The following EPB41 variants were observed in gnomAD, a reference collection of about 807,000 sequenced individuals.
EPB41 encodes the protein erythrocyte membrane protein band 4.1, also known as protein 4.1.
In EPB41, 65 loss-of-function variants were observed where a neutral mutation model predicts 108.0. The ratio of observed to expected loss-of-function variants is 0.60; its 90% CI spans 0.49 to 0.74. The LOEUF (loss-of-function observed/expected upper bound fraction) is 0.74. EPB41 is among the 30% of genes least tolerant of loss of function. The pLI, the probability that EPB41 is intolerant of heterozygous loss-of-function variation, is 0.00. For missense variants in EPB41, 875 were observed against 1,037.0 expected (o/e 0.84, Z 2.15); for synonymous variants, 336 against 358.9 (o/e 0.94, Z 0.72).
intron 1 of EPB41, among the ~76,000 whole-genome samples, chr1:28,963,607 A>G (rs1209590941): frequency 6.6e-6 from 1 of 152,048 alleles, no homozygotes; most frequent in Non-Finnish European, 1.5e-5. Context: ...TTGTTGCAAA[A>G]TTTTATTTTG....
chr1:29,069,341 G>A (rs1650107159), intron 16 of EPB41: 2 of 1,230,964 alleles, frequency 1.6e-6, no homozygotes, highest in Admixed American at 4.2e-5. Context: ...AAATTGCAGG[G>A]GGAATAAAAA....
intron 1 of EPB41, among the ~76,000 whole-genome samples, chr1:28,976,814 A>G (rs1383220917): frequency 3.9e-5 from 6 of 152,106 alleles, no homozygotes; most frequent in African/African-American, 1.2e-4. Context: ...TTGCACTTCA[A>G]GTCTCTTTCT....
At position 29,065,246 on chromosome 1, in the gene EPB41, A is replaced by G. The variant is rs1480190734; in HGVS notation, c.2184+88A>G. On this transcript the variant is annotated intron_variant, in intron 16 of 20. Coordinates refer to ENST00000343067, the MANE Select transcript of EPB41 (RefSeq NM_001376013.1). ...ATATTCTGTATCTGAGAGAAAGCTT[A>G]GAGCTGAAATTTGGATTTGGTGCCT... is the stretch of plus-strand genomic sequence containing the variant. 12 of 1,439,378 alleles carry G rather than the reference A, an allele frequency of 8.3e-6. No homozygotes were observed. In the East Asian group the frequency reaches 2.7e-4, roughly 32 times the overall value. 89.2% of individuals were successfully genotyped at this position (1,439,378 alleles called of 1,614,324 possible).
rs112792370 is a variant in EPB41, at chr1:29,098,974, C to T, written c.2313+1039C>T. 7.7e-3 allele frequency among the ~76,000 whole-genome samples: 1,156 copies of T among 150,942 alleles called. 12 individuals are homozygous for T. Among genetic ancestry groups the T allele is most frequent in the African/African-American group, 0.026 (1,090 of 41,202 alleles). Reference sequence around the variant, plus strand: ...TCCTGACCTCAAGTGATCTGCCTGCCGCGGCCTCCCAAAGTGCTGGGATTA... The same window carrying T: ...TCCTGACCTCAAGTGATCTGCCTGCTGCGGCCTCCCAAAGTGCTGGGATTA... On this transcript the variant is annotated intron_variant, in intron 17 of 20. Coordinates refer to ENST00000343067, the MANE Select transcript of EPB41 (RefSeq NM_001376013.1).
intron 16 of EPB41, chr1:29,097,489 A>G (rs1356351366): frequency 2.6e-6 from 1 of 384,542 alleles, no homozygotes. Context: ...CTATTTGGCA[A>G]ATCGTTTTAT....
At position 28,887,588 on chromosome 1, in the gene EPB41, C is replaced by T. The variant is rs1289184445; in HGVS notation, c.-8+378C>T. On this transcript the variant is annotated intron_variant, in intron 1 of 16. Transcript: ENST00000347529. This position sits in a 1 kb window ranked among gnomAD's most constrained non-coding sequence, Gnocchi z 4.9. Reference sequence around the variant, plus strand: ...CCGGCCGCCCCCTAGCCCCGCCTTGCCCGGCCCCGCATGCTCCTGCCGGGC... The same window carrying T: ...CCGGCCGCCCCCTAGCCCCGCCTTGTCCGGCCCCGCATGCTCCTGCCGGGC... The T allele has an allele frequency of 4.1e-6, 4 of 985,202 alleles. No individual in the cohort carries two copies. Among genetic ancestry groups the T allele is most frequent in the African/African-American group, 3.5e-5 (2 of 57,220 alleles). The allele number at this position is 985,202 out of a possible 1,614,324, so 61.0% of individuals were successfully genotyped here.
At chr1:28,905,506 A>AG (rs1316965926) in intron 1 of EPB41, among the ~76,000 whole-genome samples, 1 of 151,436 alleles carries the variant, frequency 6.6e-6, no homozygotes, top group Non-Finnish European at 1.5e-5. Context: ...AAAAAAAAAA[A>AG]ACAACAAAAA....
At chr1:29,098,562 G>A (rs1310037923) in intron 17 of EPB41, among the ~76,000 whole-genome samples, 1 of 152,068 alleles carries the variant, frequency 6.6e-6, no homozygotes, top group Non-Finnish European at 1.5e-5. Flanking sequence ...ATTTGCATAA[G>A]GCAGTCTGGT....
chr1:28,941,662 G>C (rs989113645), intron 1 of EPB41, among the ~76,000 whole-genome samples: 11 of 152,182 alleles, frequency 7.2e-5, no homozygotes, highest in Admixed American at 2.0e-4. Context: ...TTGGGAGGCC[G>C]AGGCGGGCGG....
intron 8 of EPB41, among the ~76,000 whole-genome samples, chr1:29,031,176 A>G (rs1378334591): frequency 6.6e-6 from 1 of 152,188 alleles, no homozygotes; most frequent in Non-Finnish European, 1.5e-5. Context: ...CCCCATAGCA[A>G]TTCCACCCTC....
At chr1:29,026,436 A>T (rs758282449) in intron 7 of EPB41, among the ~76,000 whole-genome samples, 15 of 152,196 alleles carry the variant, frequency 9.9e-5, no homozygotes, top group Non-Finnish European at 1.3e-4. Context: ...ACATACTCTA[A>T]CTCTACATTG....
In EPB41 at chr1:28,987,544, A is replaced by G. The variant is rs1557922459; in HGVS notation, c.107A>G (p.Glu36Gly). 6.2e-7 allele frequency: 1 copy of G among 1,614,206 alleles called. No individual in the cohort carries two copies. The highest frequency in any genetic ancestry group is 8.5e-7 in the Non-Finnish European group (1 of 1,180,034). ...INSGQQEPQQ[E>G]ESCQTAAEGD... ...TCAGGCCAACAAGAACCTCAGCAGG[A>G]GGAATCTTGTCAAACAGCAGCTGAA... Residue 36 changes from glutamate (E) to glycine (G), a missense_variant, in exon 2 of 21, where the codon GAG becomes GGG. Physicochemically the swap from Glu to Gly is moderately conservative, Grantham distance 98. Transcript: ENST00000343067.
chr1:29,027,685 C>T (rs1001963916), intron 7 of EPB41, among the ~76,000 whole-genome samples: 2 of 152,240 alleles, frequency 1.3e-5, no homozygotes, highest in Non-Finnish European at 2.9e-5. Flanking sequence ...ATCCTCCTGT[C>T]TCAGCCTCCA....
In EPB41 at chr1:28,983,307, G is replaced by A. The variant is rs1402350627; in HGVS notation, c.-7-4124G>A. 2.6e-5 allele frequency among the ~76,000 whole-genome samples: 4 copies of A among 152,092 alleles called. No homozygotes were observed. In the South Asian group the frequency reaches 6.2e-4, roughly 24 times the overall value. ...GCACTTATTGTGTCAAGTATTTCCT[G>A]CTCTTCATATTCCACTTGCTAAAAG... On this transcript the variant is annotated intron_variant, in intron 1 of 20. Transcript: ENST00000343067.
At chr1:29,033,674 C>T (rs1263381459) in intron 9 of EPB41, among the ~76,000 whole-genome samples, 1 of 152,016 alleles carries the variant, frequency 6.6e-6, no homozygotes. Flanking sequence ...AGAGTGAGTT[C>T]TAGGGCCAAG....
At position 29,015,716 on chromosome 1, in the gene EPB41, A is replaced by T. The variant is rs769763668; in HGVS notation, c.854A>T (p.Asn285Ile). ...GGTGTCCCTTGGAATTTTACATTTA[A>T]TGTAAAGTTTTATCCACCTGACCCA... The part of the protein sequence containing the change: ...VRGVPWNFTF[N>I]VKFYPPDPAQ... Residue 285 changes from asparagine to isoleucine, a missense_variant, in exon 6 of 21, where the codon AAT becomes ATT. Physicochemically the swap from Asn to Ile is moderately radical, Grantham distance 149. Transcript: ENST00000343067. 6.8e-6 allele frequency: 11 copies of T among 1,609,674 alleles called. No homozygotes were observed. The Admixed American group carries it at 1.8e-4, about 27-fold the overall frequency.
chr1:29,103,412 ACT>A (rs1666112312), intron 17 of EPB41, among the ~76,000 whole-genome samples: 1 of 152,190 alleles, frequency 6.6e-6, no homozygotes, highest in African/African-American at 2.4e-5. Flanking sequence ...AATTAGAGTG[ACT>A]TAGGTCTTAA....
chr1:28,911,759 G>A (rs1365030307), upstream of EPB41, among the ~76,000 whole-genome samples: 1 of 152,152 alleles, frequency 6.6e-6, no homozygotes, highest in Non-Finnish European at 1.5e-5. Context: ...AAGAACAGGT[G>A]TGGCCAGGCA....
intron 11 of EPB41, among the ~76,000 whole-genome samples, chr1:29,050,043 A>G (rs1273420100): frequency 6.6e-6 from 1 of 152,204 alleles, no homozygotes; most frequent in African/African-American, 2.4e-5. Context: ...GATCACTACC[A>G]TGATATTATA....
Sources: gnomAD v4.1 joint callset for allele counts (sites outside exome capture counted in the v4.1 genomes callset) on GRCh38, gnomAD v4.1.1 for gene constraint, Gnocchi (gnomAD v3.1) non-coding constraint, MANE v1.5 for transcripts, NCBI Gene and HGNC (gene_info 2026-07-23, HGNC 2026-07-21) for gene names.